PGBD5: variants seen among roughly 807,000 people sequenced by gnomAD.
PGBD5 encodes the protein piggyBac transposable element derived 5.
A neutral mutation model predicts 47.9 loss-of-function variants in PGBD5; 14 were observed. The ratio of observed to expected loss-of-function variants is 0.29; its 90% CI spans 0.19 to 0.46. PGBD5 has a LOEUF of 0.46. Among genes scored for constraint, PGBD5 ranks in the 20% least tolerant of loss-of-function variants. The pLI is 1.00. For missense variants in PGBD5, 635 were observed against 716.0 expected (o/e 0.89, Z 1.29); for synonymous variants, 316 against 306.3 (o/e 1.03, Z -0.33).
intron 3 of PGBD5, among the ~76,000 whole-genome samples, chr1:230,337,855 A>T (rs1213798697): frequency 1.3e-5 from 2 of 152,234 alleles, no homozygotes; most frequent in Non-Finnish European, 2.9e-5. Context: ...GGACTCAGTC[A>T]GCAATTTTTA....
chr1:230,335,760 C>CAGACACACACAAACAT (rs1558192709), intron 4 of PGBD5, among the ~76,000 whole-genome samples: 26 of 142,074 alleles, frequency 1.8e-4, no homozygotes, highest in South Asian at 5.1e-4. Context: ...CACACAGATA[C>CAGACACACACAAACAT]ACAGATACAG....
At chr1:230,393,266 G>C (rs1198692966) in intron 1 of PGBD5, among the ~76,000 whole-genome samples, 7 of 145,622 alleles carry the variant, frequency 4.8e-5, no homozygotes, top group Admixed American at 4.8e-4. Flanking sequence ...GGAAAAGGGG[G>C]AGGAGGAGGG....
rs186465943 is a variant in PGBD5 at position 230,357,516 on chromosome 1, G to A, written c.332-195C>T. On this transcript the variant is annotated intron_variant, in intron 1 of 6. Coordinates refer to ENST00000391860, the MANE Select transcript of PGBD5 (RefSeq NM_001258311.2). This position sits in a 1 kb window ranked among gnomAD's most constrained non-coding sequence, Gnocchi z 5.7. ...GTGCCGGCTCCCATAGCTTTTGTAC[G>A]CCCCTTTGCTCCAAAACAGCCAGCT... Among the ~76,000 whole-genome samples the A allele has an allele frequency of 2.2e-4, 34 of 152,276 alleles. No individual in the cohort carries two copies. The South Asian group carries it at 6.2e-3, about 28-fold the overall frequency.
intron 1 of PGBD5, among the ~76,000 whole-genome samples, chr1:230,372,913 CT>C (rs1244150856): frequency 4.6e-5 from 7 of 152,276 alleles, no homozygotes; most frequent in African/African-American, 1.7e-4. Flanking sequence ...GTGCGTCCCC[CT>C]CTCTACATAT....
chr1:230,425,848 G>A lies in PGBD5; in HGVS notation c.81C>T (p.His27=). Reference sequence around the variant, plus strand: ...ACTCGCCGAACACGTCGTCCGAGATGTGCAGGCTCTCGTAGCGCGCGCGGG... The same window carrying A: ...ACTCGCCGAACACGTCGTCCGAGATATGCAGGCTCTCGTAGCGCGCGCGGG... ...EAARARYESL[H]ISDDVFGESG... is the part of the protein sequence containing the mutation. The change falls in exon 1 of 7, where the codon CAC becomes CAT. Residue 27 remains histidine (H), a synonymous_variant. Coordinates refer to ENST00000391860, the MANE Select transcript of PGBD5 (RefSeq NM_001258311.2). The surrounding 1 kb of genome is among the most constrained non-coding windows in gnomAD (Gnocchi z 4.7). The A allele has an allele frequency of 8.3e-7, 1 of 1,201,332 alleles. No homozygotes were observed. The highest frequency in any genetic ancestry group is 1.0e-6 in the Non-Finnish European group (1 of 968,706). The allele number at this position is 1,201,332 out of a possible 1,614,324, so 74.4% of individuals were successfully genotyped here. A position where few individuals can be genotyped will look rare whatever the true frequency, so the allele number is the denominator to read the frequency against.
chr1:230,337,314 G>T, intron 3 of PGBD5, 26 bp from the exon 4 acceptor site: 9 of 1,579,518 alleles, frequency 5.7e-6, no homozygotes, highest in Non-Finnish European at 7.7e-6. Context: ...ACAGAGGTTA[G>T]CGTGCTCACA....
rs1284070778 is a variant in PGBD5 at position 230,393,805 on chromosome 1, A to G, written c.331+31793T>C. ...GCGCCACAGCACTCCCGCCTGGGCG[A>G]CAGAACGAGACTCCGTCTCAAAAAA... On this transcript the variant is annotated intron_variant, in intron 1 of 6. Transcript: ENST00000391860. Among the ~76,000 whole-genome samples the G allele has an allele frequency of 2.0e-5, 3 of 147,880 alleles. No individual in the cohort carries two copies. In the East Asian group the frequency reaches 6.0e-4, roughly 30 times the overall value.
chr1:230,355,596 T>A (rs1341655588), intron 2 of PGBD5, among the ~76,000 whole-genome samples: 1 of 152,208 alleles, frequency 6.6e-6, no homozygotes, highest in East Asian at 1.9e-4. Flanking sequence ...GCAGAGCTCA[T>A]GTCCTCGAAA....
At chr1:230,341,941 A>C (rs1667412909) in intron 3 of PGBD5, among the ~76,000 whole-genome samples, 1 of 152,184 alleles carries the variant, frequency 6.6e-6, no homozygotes, top group Admixed American at 6.5e-5. Context: ...GTTTATTACT[A>C]TATGGCATTA....
chr1:230,362,145 G>T (rs1259878609), intron 1 of PGBD5: 6 of 1,194,038 alleles, frequency 5.0e-6, no homozygotes, highest in Non-Finnish European at 6.4e-6. Context: ...TGAGCACCAC[G>T]TGACCATGCT....
chr1:230,329,581 G>T (rs1246140301), intron 5 of PGBD5, among the ~76,000 whole-genome samples: 1 of 152,150 alleles, frequency 6.6e-6, no homozygotes, highest in Non-Finnish European at 1.5e-5. Context: ...GCACAATCTC[G>T]GCTCACTGCA....
intron 1 of PGBD5, among the ~76,000 whole-genome samples, chr1:230,394,862 CATG>C (rs1451108237): frequency 8.9e-5 from 10 of 112,344 alleles, no homozygotes; most frequent in East Asian, 3.3e-4. Flanking sequence ...TCCCTCCTCT[CATG>C]CTCCTCCCCC....
At chr1:230,351,233 C>A (rs1431882545) in intron 2 of PGBD5, 141 bp from the exon 3 acceptor site, 2 of 905,252 alleles carry the variant, frequency 2.2e-6, no homozygotes, top group Non-Finnish European at 3.1e-6. Context: ...TGATCCTGAC[C>A]CTTCTTATCT....
chr1:230,364,563 G>A lies in PGBD5; in HGVS notation c.332-7242C>T, dbSNP rs577478392. Among the ~76,000 whole-genome samples the A allele has an allele frequency of 8.5e-5, 13 of 152,386 alleles. No homozygotes were observed. In the East Asian group the frequency reaches 1.7e-3, roughly 20 times the overall value. ...AGGTACACTCTGCGTGCATGTGCAC[G>A]TGTGTGTCTGTGCACTTGGAAGGTA... On this transcript the variant is annotated intron_variant, in intron 1 of 6. Transcript: ENST00000391860.
At chr1:230,348,191 ACCC>A (rs1667504809) in intron 3 of PGBD5, among the ~76,000 whole-genome samples, 1 of 152,220 alleles carries the variant, frequency 6.6e-6, no homozygotes, top group Non-Finnish European at 1.5e-5. Flanking sequence ...TGTGTACAGA[ACCC>A]TACATATGAC....
At chr1:230,385,994 A>AC (rs1656628543) in intron 1 of PGBD5, among the ~76,000 whole-genome samples, 1 of 152,210 alleles carries the variant, frequency 6.6e-6, no homozygotes, top group South Asian at 2.1e-4. Context: ...GGAGTATTGT[A>AC]CTACCTCATT....
rs1475528155 is a variant in PGBD5 at position 230,320,648 on chromosome 1, C to T, written c.*2777G>A. On this transcript the variant is annotated 3_prime_UTR_variant, in exon 7 of 7. Coordinates refer to ENST00000391860, the MANE Select transcript of PGBD5 (RefSeq NM_001258311.2). The stretch of plus-strand genomic sequence containing the variant: ...CCACTTACGATGCTCTTTCCTCATC[C>T]CCAGGGATGGCCAGCTACTCCAAAG... 5 of 152,214 alleles carry T rather than the reference C, an allele frequency of 3.3e-5. No homozygotes were observed. The highest frequency in any genetic ancestry group is 7.3e-5 in the Non-Finnish European group (5 of 68,080). 9.4% of individuals were successfully genotyped at this position (152,214 alleles called of 1,614,324 possible). A position where few individuals can be genotyped will look rare whatever the true frequency, so the allele number is the denominator to read the frequency against.
At chr1:230,378,522 T>C (rs1167596250) in intron 1 of PGBD5, among the ~76,000 whole-genome samples, 1 of 152,204 alleles carries the variant, frequency 6.6e-6, no homozygotes, top group Non-Finnish European at 1.5e-5. Context: ...ACATCAGTAG[T>C]ATAGCTTGGA....
At chr1:230,354,583 A>G (rs1667606633) in intron 2 of PGBD5, among the ~76,000 whole-genome samples, 1 of 152,222 alleles carries the variant, frequency 6.6e-6, no homozygotes. Context: ...ACAATAAAGA[A>G]AAAAGAAATG....
Sources: allele counts gnomAD v4.1 joint callset (sites outside exome capture counted in the v4.1 genomes callset), GRCh38; gene constraint gnomAD v4.1.1; non-coding constraint Gnocchi (gnomAD v3.1); transcripts MANE v1.5; gene names NCBI Gene and HGNC (gene_info 2026-07-23, HGNC 2026-07-21).